Variants in CADM2 observed in about 807,000 individuals in gnomAD.
CADM2 encodes the protein immunoglobulin superfamily member 4D.
In CADM2, 12 loss-of-function variants were observed where a neutral mutation model predicts 49.8. The ratio of observed to expected loss-of-function variants is 0.24; its 90% CI spans 0.15 to 0.39. CADM2 has a LOEUF of 0.39. CADM2 is among the 10% of genes least tolerant of loss of function. The pLI, the probability that CADM2 is intolerant of heterozygous loss-of-function variation, is 1.00. For synonymous variants in CADM2, 214 were observed against 175.4 expected, an observed-to-expected ratio of 1.22 and a Z score of -1.74; for missense variants, 378 against 492.3, an observed-to-expected ratio of 0.77 and a Z score of 2.20.
chr3:85,758,393 G>T (rs1559636978), intron 2 of CADM2, among the ~76,000 whole-genome samples: 1 of 152,044 alleles, frequency 6.6e-6, no homozygotes, highest in Non-Finnish European at 1.5e-5. Context: ...AACATGACTA[G>T]CATTCCCCAC....
chr3:86,044,671 G>T (rs1736414810), intron 8 of CADM2, among the ~76,000 whole-genome samples: 1 of 152,048 alleles, frequency 6.6e-6, no homozygotes, highest in Non-Finnish European at 1.5e-5. Flanking sequence ...CAAGTATCTA[G>T]AACTAGAAAT....
At chr3:85,864,938 A>G (rs542889828) in intron 3 of CADM2, among the ~76,000 whole-genome samples, 2 of 152,144 alleles carry the variant, frequency 1.3e-5, no homozygotes, top group South Asian at 4.1e-4. Context: ...TCACTCTTCC[A>G]GTCTTGAGGT....
intron 1 of CADM2, among the ~76,000 whole-genome samples, chr3:85,469,433 C>T (rs1250741293): frequency 1.3e-5 from 2 of 152,024 alleles, no homozygotes; most frequent in African/African-American, 4.8e-5. Context: ...TGGACAGACA[C>T]GCCATGCAGG....
intron 1 of CADM2, among the ~76,000 whole-genome samples, chr3:85,219,735 G>C (rs1365708366): frequency 6.6e-6 from 1 of 151,980 alleles, no homozygotes; most frequent in Non-Finnish European, 1.5e-5. Context: ...AACAACTACT[G>C]TTTCACAACC....
intron 2 of CADM2, among the ~76,000 whole-genome samples, chr3:85,795,804 G>A (rs1283327255): frequency 6.6e-6 from 1 of 152,152 alleles, no homozygotes; most frequent in Non-Finnish European, 1.5e-5. Flanking sequence ...GTTTCAAATG[G>A]TGACTCATTT....
chr3:85,710,716 A>T (rs1221346720), intron 1 of CADM2, among the ~76,000 whole-genome samples: 4 of 152,178 alleles, frequency 2.6e-5, no homozygotes, highest in African/African-American at 9.7e-5. Context: ...CCTTTAGCGC[A>T]TGAGTCAGAA....
intron 1 of CADM2, among the ~76,000 whole-genome samples, chr3:85,568,619 T>TTCTTTTC (rs1370842901): frequency 7.2e-6 from 1 of 139,586 alleles, no homozygotes; most frequent in Non-Finnish European, 1.6e-5. Flanking sequence ...TTTCTTTTTT[T>TTCTTTTC]TTTTTTTTAC....
intron 8 of CADM2, among the ~76,000 whole-genome samples, chr3:86,055,492 A>ATTTTTTTTTTTTTT (rs1737848064): frequency 1.6e-5 from 1 of 60,888 alleles, no homozygotes; most frequent in Non-Finnish European, 3.1e-5. Flanking sequence ...TTTTAGAGGG[A>ATTTTTTTTTTTTTT]TTCTTGCTCT....
intron 8 of CADM2, among the ~76,000 whole-genome samples, chr3:86,042,989 C>T (rs2107259854): frequency 6.6e-6 from 1 of 152,158 alleles, no homozygotes; most frequent in East Asian, 1.9e-4. Flanking sequence ...CACTTGATTA[C>T]CTCAATAGAT....
At chr3:85,383,706 A>G (rs1487660790) in intron 1 of CADM2, among the ~76,000 whole-genome samples, 1 of 150,850 alleles carries the variant, frequency 6.6e-6, no homozygotes, top group Non-Finnish European at 1.5e-5. Flanking sequence ...CATTATTTAT[A>G]CAATATATTT....
intron 8 of CADM2, among the ~76,000 whole-genome samples, chr3:86,011,845 T>G (rs956813074): frequency 6.6e-6 from 1 of 151,990 alleles, no homozygotes; most frequent in African/African-American, 2.4e-5. Flanking sequence ...GAAACCATAA[T>G]GGGAATATAA....
chr3:85,731,599 T>C (rs959117188), intron 2 of CADM2, among the ~76,000 whole-genome samples: 2 of 152,158 alleles, frequency 1.3e-5, no homozygotes, highest in African/African-American at 4.8e-5. Flanking sequence ...ACTAAAACTT[T>C]TCTGTAAGTT....
intron 1 of CADM2, among the ~76,000 whole-genome samples, chr3:85,171,451 G>A (rs1354493219): frequency 1.3e-5 from 2 of 152,032 alleles, no homozygotes; most frequent in Non-Finnish European, 2.9e-5. Flanking sequence ...ATATTTTTAT[G>A]CATATATCCA....
At chr3:85,287,908 G>A (rs2043675055) in intron 1 of CADM2, among the ~76,000 whole-genome samples, 1 of 148,848 alleles carries the variant, frequency 6.7e-6, no homozygotes. Flanking sequence ...GAGAACACAT[G>A]GACACAGGAA....
At chr3:85,741,173 C>T (rs2068367342) in intron 2 of CADM2, among the ~76,000 whole-genome samples, 1 of 152,108 alleles carries the variant, frequency 6.6e-6, no homozygotes, top group Non-Finnish European at 1.5e-5. Context: ...TTTAGCTAAG[C>T]ATCTGAGATG....
chr3:85,983,157 T>A (rs532561139), intron 8 of CADM2, among the ~76,000 whole-genome samples: 13 of 151,700 alleles, frequency 8.6e-5, no homozygotes, highest in South Asian at 2.1e-4. Context: ...AAAATCAAGA[T>A]GAAATGGAAT....
At chr3:85,786,764 T>A (rs2071013561) in intron 2 of CADM2, among the ~76,000 whole-genome samples, 1 of 152,086 alleles carries the variant, frequency 6.6e-6, no homozygotes, top group South Asian at 2.1e-4. Flanking sequence ...TGTATATGTA[T>A]ACCTCTGCTA....
chr3:85,156,707 C>T (rs1215633925), intron 1 of CADM2, among the ~76,000 whole-genome samples: 1 of 152,120 alleles, frequency 6.6e-6, no homozygotes, highest in Non-Finnish European at 1.5e-5. Context: ...TAAGAGCTAT[C>T]TATGACAAAC....
intron 1 of CADM2, among the ~76,000 whole-genome samples, chr3:85,542,743 A>G (rs2061576398): frequency 6.6e-6 from 1 of 152,240 alleles, no homozygotes; most frequent in African/African-American, 2.4e-5. Flanking sequence ...ATTATTTCTA[A>G]TAAAGAATGG....
Sources: gnomAD v4.1 joint callset for allele counts (sites outside exome capture counted in the v4.1 genomes callset) on GRCh38, gnomAD v4.1.1 for gene constraint, MANE v1.5 for transcripts, NCBI Gene and HGNC (gene_info 2026-07-23, HGNC 2026-07-21) for gene names.